PCDH7: variants seen among roughly 807,000 people sequenced by gnomAD.
PCDH7 encodes the protein protocadherin 7, also known as protocadherin-7.
Under a neutral mutation model 58.9 loss-of-function variants are expected in PCDH7, and 17 were observed. The ratio of observed to expected loss-of-function variants is 0.29; its 90% CI spans 0.20 to 0.43. PCDH7 has a LOEUF of 0.43. Among genes scored for constraint, PCDH7 ranks in the 20% least tolerant of loss-of-function variants. The pLI is 1.00. For synonymous variants in PCDH7, 664 were observed against 616.4 expected (o/e 1.08, Z -1.14); for missense variants, 1,274 against 1,441.0 (o/e 0.88, Z 1.88).
intron 1 of PCDH7, among the ~76,000 whole-genome samples, chr4:30,766,262 G>A (rs574933733): frequency 3.3e-5 from 5 of 152,174 alleles, no homozygotes; most frequent in African/African-American, 1.2e-4. Flanking sequence ...CAAGAAGGGT[G>A]GTGCATGCCA....
At chr4:31,056,168 A>G (rs1012931360) in intron 3 of PCDH7, among the ~76,000 whole-genome samples, 13 of 152,012 alleles carry the variant, frequency 8.6e-5, no homozygotes, top group African/African-American at 3.1e-4. Flanking sequence ...CAGGAGTTCT[A>G]GACCAGCCTG....
intron 1 of PCDH7, among the ~76,000 whole-genome samples, chr4:30,762,349 G>C (rs1720135283): frequency 2.0e-5 from 3 of 152,024 alleles, no homozygotes; most frequent in Non-Finnish European, 2.9e-5. Context: ...ATATATGAAT[G>C]ATTAGATAAA....
At chr4:30,871,054 T>G (rs1735516353) in intron 1 of PCDH7, among the ~76,000 whole-genome samples, 1 of 152,236 alleles carries the variant, frequency 6.6e-6, no homozygotes, top group Non-Finnish European at 1.5e-5. Context: ...TTAAGGTGCT[T>G]GTGAACTTTA....
At chr4:30,920,896 G>A (rs1743106688) in intron 2 of PCDH7, among the ~76,000 whole-genome samples, 1 of 152,020 alleles carries the variant, frequency 6.6e-6, no homozygotes, top group African/African-American at 2.4e-5. Flanking sequence ...TCCATAGTAT[G>A]CAATAAATGC....
chr4:30,729,216 T>C (rs1038390391), intron 1 of PCDH7, among the ~76,000 whole-genome samples: 2 of 151,930 alleles, frequency 1.3e-5, no homozygotes, highest in East Asian at 3.9e-4. Context: ...TATCTGATCA[T>C]ACTACCTTTG....
intron 2 of PCDH7, among the ~76,000 whole-genome samples, chr4:30,938,133 A>T (rs1181791539): frequency 6.6e-6 from 1 of 152,102 alleles, no homozygotes; most frequent in Non-Finnish European, 1.5e-5. Flanking sequence ...ACATGGAGAG[A>T]TGTATGCCTC....
At chr4:30,774,725 T>C (rs925844898) in intron 1 of PCDH7, among the ~76,000 whole-genome samples, 16 of 152,318 alleles carry the variant, frequency 1.1e-4, no homozygotes, top group East Asian at 3.9e-4. Flanking sequence ...TGACAAGAAA[T>C]AGAAGATTTC....
intron 1 of PCDH7, among the ~76,000 whole-genome samples, chr4:30,770,273 G>T (rs1485534177): frequency 6.6e-6 from 1 of 152,188 alleles, no homozygotes; most frequent in East Asian, 1.9e-4. Flanking sequence ...AGTTCCAGTT[G>T]TCCTCACATG....
intron 1 of PCDH7, among the ~76,000 whole-genome samples, chr4:30,806,975 G>A (rs138717146): frequency 0.011 from 1,658 of 152,080 alleles, 25 homozygotes; most frequent in African/African-American, 0.038. Context: ...TTCACTATTA[G>A]ACAGTACACT....
chr4:30,883,363 T>A (rs1737257441), intron 1 of PCDH7, among the ~76,000 whole-genome samples: 1 of 152,192 alleles, frequency 6.6e-6, no homozygotes, highest in African/African-American at 2.4e-5. Context: ...ACTGCCTCGC[T>A]TACATGTATA....
chr4:31,043,800 G>C (rs1197906288), intron 3 of PCDH7, among the ~76,000 whole-genome samples: 1 of 152,024 alleles, frequency 6.6e-6, no homozygotes, highest in African/African-American at 2.4e-5. Context: ...CTGTGTAGAA[G>C]TTCTTTAGTT....
At position 30,915,617 on chromosome 4, in the gene PCDH7, G is replaced by A. The variant is rs571066972; in HGVS notation, c.71-4536G>A. ...CGGCTCACTGCAACCTTTGCCTCCC[G>A]GGTTCAAGCGATTCTCCTGCCTCAA... On this transcript the variant is annotated intron_variant, in intron 1 of 3. Coordinates refer to the PCDH7 transcript ENST00000509759. 8.2e-4 allele frequency among the ~76,000 whole-genome samples: 125 copies of A among 152,056 alleles called. 2 individuals carry two copies. Among genetic ancestry groups the A allele is most frequent in the Non-Finnish European group, 2.1e-4 (14 of 67,998 alleles).
chr4:30,980,875 G>A (rs370731041), intron 3 of PCDH7, among the ~76,000 whole-genome samples: 10 of 152,038 alleles, frequency 6.6e-5, no homozygotes, highest in African/African-American at 1.9e-4. Flanking sequence ...ACAGAATCTC[G>A]CTCTGTCACC....
At chr4:31,058,433 A>T (rs918199870) in intron 3 of PCDH7, among the ~76,000 whole-genome samples, 5 of 152,040 alleles carry the variant, frequency 3.3e-5, no homozygotes, top group African/African-American at 1.2e-4. Context: ...ACTGAAGCAA[A>T]ATTTACCCCA....
rs575155231 is a variant in PCDH7, at chr4:30,805,287, T to C, written c.70+80691T>C. ...TGTCTTTCCTAAAGGTGAAGGCATA[T>C]GGTAGGGGGTCATATGGTAGGTTTT... is the stretch of plus-strand genomic sequence containing the variant. On this transcript the variant is annotated intron_variant, in intron 1 of 3. Transcript: ENST00000509759. Among the ~76,000 whole-genome samples, 29 of 152,206 alleles carry C rather than the reference T, an allele frequency of 1.9e-4. No individual in the cohort carries two copies. In the East Asian group the frequency reaches 4.7e-3, roughly 24 times the overall value.
intron 3 of PCDH7, among the ~76,000 whole-genome samples, chr4:31,011,826 T>C (rs115100509): frequency 6.6e-6 from 1 of 152,004 alleles, no homozygotes; most frequent in Non-Finnish European, 1.5e-5. Context: ...AACTGTAATA[T>C]ATTTTCTTTT....
At chr4:31,141,313 G>T (rs1720224450) in intron 3 of PCDH7, among the ~76,000 whole-genome samples, 1 of 152,164 alleles carries the variant, frequency 6.6e-6, no homozygotes, top group Admixed American at 6.5e-5. Flanking sequence ...CAGTCTTTAA[G>T]TCCCAAGCCT....
intron 3 of PCDH7, among the ~76,000 whole-genome samples, chr4:31,083,068 A>G (rs1339395940): frequency 2.0e-5 from 3 of 152,172 alleles, no homozygotes; most frequent in African/African-American, 4.8e-5. Context: ...AGATTGCGCC[A>G]CTGCACTCCA....
intron 3 of PCDH7, among the ~76,000 whole-genome samples, chr4:31,017,458 T>A (rs889770637): frequency 2.0e-5 from 3 of 152,194 alleles, no homozygotes; most frequent in Non-Finnish European, 4.4e-5. Context: ...CTGCACATAA[T>A]GCCTAACAGA....
Sources: allele counts gnomAD v4.1 joint callset (sites outside exome capture counted in the v4.1 genomes callset), GRCh38; gene constraint gnomAD v4.1.1; transcripts MANE v1.5; gene names NCBI Gene and HGNC (gene_info 2026-07-23, HGNC 2026-07-21).